NAALADL2: variants seen among roughly 807,000 people sequenced by gnomAD.
NAALADL2 encodes the protein inactive N-acetylated-alpha-linked acidic dipeptidase-like protein 2.
In NAALADL2, 76 loss-of-function variants were observed where a neutral mutation model predicts 87.2. That is an observed-to-expected ratio of 0.87 (90% CI 0.72 to 1.05). NAALADL2 has a LOEUF of 1.05. Ranked by LOEUF, NAALADL2 falls within the 50% of genes least tolerant of loss-of-function variation. The pLI, the probability that NAALADL2 is intolerant of heterozygous loss-of-function variation, is 0.00. For synonymous variants in NAALADL2, 354 were observed against 331.0 expected (o/e 1.07, Z -0.75); for missense variants, 1,089 against 945.8 (o/e 1.15, Z -1.99).
intron 13 of NAALADL2, among the ~76,000 whole-genome samples, chr3:175,795,993 C>G (rs1432342940): frequency 6.6e-6 from 1 of 150,874 alleles, no homozygotes; most frequent in African/African-American, 2.4e-5. Flanking sequence ...TGACCAGATC[C>G]TTGTGTTATT....
chr3:175,679,532 T>C (rs903215296), intron 11 of NAALADL2, among the ~76,000 whole-genome samples: 1 of 152,200 alleles, frequency 6.6e-6, no homozygotes, highest in Non-Finnish European at 1.5e-5. Flanking sequence ...ACTTGAATCA[T>C]TGTAGTATGG....
intron 2 of NAALADL2, among the ~76,000 whole-genome samples, chr3:174,614,650 C>T (rs1444542114): frequency 3.9e-5 from 6 of 152,126 alleles, no homozygotes; most frequent in Non-Finnish European, 8.8e-5. Context: ...GAATTTAAAA[C>T]CAGGTACTTT....
At chr3:174,600,925 A>G (rs531610470) in intron 2 of NAALADL2, among the ~76,000 whole-genome samples, 18 of 152,290 alleles carry the variant, frequency 1.2e-4, no homozygotes, top group African/African-American at 4.3e-4. Flanking sequence ...AGATTTGAGC[A>G]AGGACATGAA....
chr3:174,890,763 T>A (rs910184437), intron 1 of NAALADL2, among the ~76,000 whole-genome samples: 70 of 152,276 alleles, frequency 4.6e-4, no homozygotes, highest in African/African-American at 1.7e-3. Context: ...ACAGGGTGTA[T>A]GTGGTCAAAC....
chr3:174,777,635 G>C (rs1715371443), intron 3 of NAALADL2, among the ~76,000 whole-genome samples: 1 of 152,004 alleles, frequency 6.6e-6, no homozygotes, highest in Non-Finnish European at 1.5e-5. Flanking sequence ...TCTGCAGTGG[G>C]AACACACTAA....
At chr3:174,914,336 T>A (rs1734091310) in intron 1 of NAALADL2, among the ~76,000 whole-genome samples, 1 of 152,156 alleles carries the variant, frequency 6.6e-6, no homozygotes, top group Admixed American at 6.5e-5. Context: ...GTGCTAGGAT[T>A]ACAGGTGTGA....
At chr3:175,355,894 G>A (rs1336711607) in intron 5 of NAALADL2, among the ~76,000 whole-genome samples, 1 of 152,136 alleles carries the variant, frequency 6.6e-6, no homozygotes, top group Non-Finnish European at 1.5e-5. Context: ...GCTTGAACTT[G>A]AACAAGACCT....
chr3:174,657,432 C>T (rs938365242), intron 2 of NAALADL2, among the ~76,000 whole-genome samples: 1 of 152,006 alleles, frequency 6.6e-6, no homozygotes, highest in African/African-American at 2.4e-5. Flanking sequence ...GTTGAGACTA[C>T]AGGCATGAGC....
chr3:174,722,047 A>C (rs1162450124), intron 2 of NAALADL2, among the ~76,000 whole-genome samples: 1 of 152,178 alleles, frequency 6.6e-6, no homozygotes, highest in Non-Finnish European at 1.5e-5. Context: ...GGAGCAAAAG[A>C]AGCCTATGGT....
At chr3:174,850,214 A>G (rs1238746459) in intron 3 of NAALADL2, among the ~76,000 whole-genome samples, 1 of 151,948 alleles carries the variant, frequency 6.6e-6, no homozygotes, top group African/African-American at 2.4e-5. Flanking sequence ...CACTTTGAAT[A>G]TTTCATCCTA....
intron 13 of NAALADL2, among the ~76,000 whole-genome samples, chr3:175,784,111 T>A (rs1224343275): frequency 1.3e-5 from 2 of 150,080 alleles, no homozygotes; most frequent in Non-Finnish European, 3.0e-5. Flanking sequence ...TTGCCAGTAT[T>A]TTATTGAGGA....
intron 1 of NAALADL2, among the ~76,000 whole-genome samples, chr3:174,926,166 T>G (rs1735999130): frequency 6.6e-6 from 1 of 150,736 alleles, no homozygotes; most frequent in Non-Finnish European, 1.5e-5. Context: ...AAAAAAAGAG[T>G]AAAAAGAAAT....
intron 5 of NAALADL2, chr3:175,397,429 G>T (rs2149044082): frequency 6.6e-6 from 1 of 152,110 alleles, no homozygotes; most frequent in Non-Finnish European, 1.5e-5. Context: ...ATAACAGAGG[G>T]ATTTGCCCAC....
intron 3 of NAALADL2, among the ~76,000 whole-genome samples, chr3:174,776,266 A>G (rs545089626): frequency 6.6e-6 from 1 of 152,278 alleles, no homozygotes; most frequent in East Asian, 1.9e-4. Context: ...AAAATGCATG[A>G]AAATTGGCCT....
In NAALADL2 at chr3:174,529,615, A is replaced by G. The variant is rs186183727; in HGVS notation, c.-183-20954A>G. On this transcript the variant is annotated intron_variant, in intron 1 of 3. Transcript: ENST00000434257. Reference sequence around the variant, plus strand: ...TGCAGCAAACTCTGCCTGAACATCCAGGCATTTTCGAACATCCAGGCATTT... The same window carrying G: ...TGCAGCAAACTCTGCCTGAACATCCGGGCATTTTCGAACATCCAGGCATTT... 2.8e-3 allele frequency among the ~76,000 whole-genome samples: 420 copies of G among 152,322 alleles called. 1 individual carries two copies. Among genetic ancestry groups the G allele is most frequent in the Non-Finnish European group, 4.2e-3 (286 of 68,018 alleles).
At chr3:175,461,706 A>G (rs1723154212) in intron 6 of NAALADL2, among the ~76,000 whole-genome samples, 1 of 152,210 alleles carries the variant, frequency 6.6e-6, no homozygotes, top group South Asian at 2.1e-4. Context: ...AGAAAACCAG[A>G]AAAGATTCTT....
intron 1 of NAALADL2, among the ~76,000 whole-genome samples, chr3:174,463,422 A>T: frequency 6.6e-6 from 1 of 152,196 alleles, no homozygotes; most frequent in East Asian, 1.9e-4. Context: ...ATCAAGTTGA[A>T]GGGTTGTTAG....
intron 13 of NAALADL2, among the ~76,000 whole-genome samples, chr3:175,778,099 G>A (rs1024316794): frequency 3.9e-5 from 6 of 152,068 alleles, no homozygotes; most frequent in Non-Finnish European, 7.4e-5. Context: ...ACATATGTCT[G>A]GCTAGAAAAC....
intron 9 of NAALADL2, among the ~76,000 whole-genome samples, chr3:175,566,540 T>C (rs1301120723): frequency 6.6e-6 from 1 of 152,184 alleles, no homozygotes; most frequent in Non-Finnish European, 1.5e-5. Flanking sequence ...ATTATATGTG[T>C]GCAATCTAAC....
Sources: allele counts gnomAD v4.1 joint callset (sites outside exome capture counted in the v4.1 genomes callset), GRCh38; gene constraint gnomAD v4.1.1; transcripts MANE v1.5; gene names NCBI Gene and HGNC (gene_info 2026-07-23, HGNC 2026-07-21).